Variants in MEIS2 observed in about 807,000 individuals in gnomAD.
MEIS2 encodes homeobox protein Meis2.
MEIS2 carries 9 observed loss-of-function variants against 58.6 expected under a neutral mutation model. That is an observed-to-expected ratio of 0.15 (90% CI 0.09 to 0.27). The LOEUF (loss-of-function observed/expected upper bound fraction) is 0.27, where lower values mean the gene tolerates loss of function less well. Among genes scored for constraint, MEIS2 ranks in the 10% least tolerant of loss-of-function variants. MEIS2 has a pLI of 1.00. For synonymous variants in MEIS2, 221 were observed against 228.4 expected (o/e 0.97, Z 0.29); for missense variants, 427 against 635.0 (o/e 0.67, Z 3.52).
upstream of MEIS2, among the ~76,000 whole-genome samples, chr15:37,100,690 A>T (rs527574594): frequency 4.8e-5 from 7 of 145,356 alleles, no homozygotes; most frequent in Non-Finnish European, 9.1e-5. Flanking sequence ...GGAAAAGGAG[A>T]GTGTGTCTGT....
At chr15:36,933,903 A>G (rs1198611416) in intron 9 of MEIS2, among the ~76,000 whole-genome samples, 1 of 152,212 alleles carries the variant, frequency 6.6e-6, no homozygotes, top group East Asian at 1.9e-4. Context: ...TTATTATTAA[A>G]TGGTTGTCAC....
At chr15:37,019,483 G>C (rs1014161193) in intron 8 of MEIS2, among the ~76,000 whole-genome samples, 9 of 152,116 alleles carry the variant, frequency 5.9e-5, no homozygotes, top group African/African-American at 2.2e-4. Flanking sequence ...ATTTAAATGA[G>C]TATTTGGGAG....
chr15:36,927,291 G>C (rs186328412), intron 9 of MEIS2, among the ~76,000 whole-genome samples: 2 of 152,214 alleles, frequency 1.3e-5, no homozygotes, highest in East Asian at 3.9e-4. Context: ...TATAAACCAG[G>C]GGTACAGAAA....
chr15:37,076,781 T>C (rs1020003817), intron 7 of MEIS2, among the ~76,000 whole-genome samples: 1 of 152,156 alleles, frequency 6.6e-6, no homozygotes, highest in African/African-American at 2.4e-5. Flanking sequence ...AATAGTCTTA[T>C]GTTTTGCCTT....
At chr15:37,096,236 G>C in intron 3 of MEIS2, 53 bp downstream of exon 3, 1 of 1,511,622 alleles carries the variant, frequency 6.6e-7, no homozygotes, top group Non-Finnish European at 8.9e-7. Flanking sequence ...TCCGAGGAAA[G>C]GGGAGGGGTA....
At position 36,995,970 on chromosome 15, in the gene MEIS2, T is replaced by C. The variant is rs1266239811; in HGVS notation, c.900+40844A>G. On this transcript the variant is annotated intron_variant, in intron 8 of 11. Transcript: ENST00000561208. ...CTCTAGTCTGAGATATATATATATA[T>C]ATATATATATATATATATATATATA... is the stretch of plus-strand genomic sequence containing the variant. Among the ~76,000 whole-genome samples the C allele has an allele frequency of 8.2e-4, 6 of 7,302 alleles. 1 individual carries two copies. The highest frequency in any genetic ancestry group is 1.7e-3 in the African/African-American group (6 of 3,448). 4.8% of individuals were successfully genotyped at this position (7,302 alleles called of 152,430 possible).
chr15:36,994,195 A>C (rs957357398), intron 8 of MEIS2, among the ~76,000 whole-genome samples: 6 of 152,158 alleles, frequency 3.9e-5, no homozygotes, highest in African/African-American at 1.4e-4. Context: ...CTGTAGACTC[A>C]AACATAAGTG....
intron 8 of MEIS2, among the ~76,000 whole-genome samples, chr15:36,951,430 G>A (rs998412728): frequency 1.5e-4 from 23 of 152,100 alleles, no homozygotes; most frequent in African/African-American, 5.1e-4. Context: ...AACATTATTA[G>A]AGGGTGACAT....
At chr15:37,076,048 AG>A (rs1891364437) in intron 7 of MEIS2, among the ~76,000 whole-genome samples, 1 of 152,046 alleles carries the variant, frequency 6.6e-6, no homozygotes, top group Non-Finnish European at 1.5e-5. Flanking sequence ...TCAGAAAGAT[AG>A]TGAATAACTC....
intron 7 of MEIS2, among the ~76,000 whole-genome samples, chr15:37,038,577 C>T (rs2062262976): frequency 6.6e-6 from 1 of 152,210 alleles, no homozygotes; most frequent in Non-Finnish European, 1.5e-5. Context: ...AACCACCCTG[C>T]CCCAAGGCAA....
chr15:36,911,001 C>T (rs1292198994), intron 9 of MEIS2, among the ~76,000 whole-genome samples: 8 of 148,040 alleles, frequency 5.4e-5, no homozygotes, highest in South Asian at 4.3e-4. Context: ...GCTGAGATCG[C>T]GCCACTGCAC....
chr15:37,099,698 C>A lies in MEIS2; in HGVS notation c.-232G>T. ...TCTCTTTTTTCCTCTTCTTCCTCCT[C>A]CTCCTGATCTTCCTCCTCCTCCTCC... On this transcript the variant is annotated 5_prime_UTR_variant, in exon 1 of 12. Coordinates refer to ENST00000561208, the MANE Select transcript of MEIS2 (RefSeq NM_170675.5). 2.0e-6 allele frequency: 1 copy of A among 501,510 alleles called. No individual in the cohort carries two copies. The highest frequency in any genetic ancestry group is 3.1e-5 in the South Asian group (1 of 31,876). The allele number at this position is 501,510 out of a possible 1,614,324, so 31.1% of individuals were successfully genotyped here. A position where few individuals can be genotyped will look rare whatever the true frequency, so the allele number is the denominator to read the frequency against.
chr15:37,094,434 A>G (rs1893943083), intron 5 of MEIS2, 93 bp downstream of exon 5: 1 of 1,237,896 alleles, frequency 8.1e-7, no homozygotes, highest in Admixed American at 2.0e-5. Flanking sequence ...CAGGTGCTCA[A>G]TCCCTCACAC....
At chr15:37,016,961 TTC>T (rs2061371255) in intron 8 of MEIS2, among the ~76,000 whole-genome samples, 1 of 152,252 alleles carries the variant, frequency 6.6e-6, no homozygotes, top group African/African-American at 2.4e-5. Flanking sequence ...CCGGAAAGTA[TTC>T]TCTGTTTAAT....
intron 9 of MEIS2, among the ~76,000 whole-genome samples, chr15:36,908,287 C>T (rs1225818294): frequency 6.6e-6 from 1 of 152,118 alleles, no homozygotes; most frequent in Non-Finnish European, 1.5e-5. Flanking sequence ...CGGCATCATC[C>T]CGTAATCATA....
At chr15:37,030,408 C>G (rs930737426) in intron 8 of MEIS2, among the ~76,000 whole-genome samples, 1 of 152,054 alleles carries the variant, frequency 6.6e-6, no homozygotes. Context: ...ACAGTCTCCA[C>G]TCACTGCAAC....
Position 37,040,781 on chromosome 15 carries a change from G to T in MEIS2, c.755-3822C>A, listed in dbSNP as rs78321999. On this transcript the variant is annotated intron_variant, in intron 7 of 11. Transcript: ENST00000561208. ...AGGCCTGTGGACAGATAAATCGGAA[G>T]TGGATTAAATGATCAGAGGAGATTG... Among the ~76,000 whole-genome samples, 106 of 152,336 alleles carry T rather than the reference G, an allele frequency of 7.0e-4. 1 individual carries two copies. The East Asian group carries it at 9.2e-3, about 13-fold the overall frequency.
In MEIS2 at chr15:37,019,089, C is replaced by T. The variant is rs1014087925; in HGVS notation, c.900+17725G>A. 1.9e-4 allele frequency among the ~76,000 whole-genome samples: 23 copies of T among 121,000 alleles called. 2 individuals carry two copies. The highest frequency in any genetic ancestry group is 1.9e-3 in the Admixed American group (20 of 10,682). The allele number at this position is 121,000 out of a possible 152,430, so 79.4% of individuals were successfully genotyped here. ...AAGAGAAAAAGTAATTATTGAGTACCAACCTTGTTCAAGAGAGATAGACTG... is the reference window on the plus strand; with the variant it reads ...AAGAGAAAAAGTAATTATTGAGTACTAACCTTGTTCAAGAGAGATAGACTG... On this transcript the variant is annotated intron_variant, in intron 8 of 11. Transcript: ENST00000561208.
intron 8 of MEIS2, among the ~76,000 whole-genome samples, chr15:36,997,498 T>G (rs1450341244): frequency 6.6e-6 from 1 of 151,684 alleles, no homozygotes; most frequent in Admixed American, 6.6e-5. Flanking sequence ...TCTTTTTTTT[T>G]TTTTTTGAGA....
Sources: gnomAD v4.1 joint callset for allele counts (sites outside exome capture counted in the v4.1 genomes callset) on GRCh38, gnomAD v4.1.1 for gene constraint, MANE v1.5 for transcripts, NCBI Gene and HGNC (gene_info 2026-07-23, HGNC 2026-07-21) for gene names.